Variants in STOX2 observed in about 807,000 individuals in gnomAD.
STOX2 encodes storkhead box 2.
Under a neutral mutation model 60.9 loss-of-function variants are expected in STOX2, and 28 were observed. The ratio of observed to expected loss-of-function variants is 0.46; its 90% CI spans 0.34 to 0.63. STOX2 has a LOEUF of 0.63. Among genes scored for constraint, STOX2 ranks in the 30% least tolerant of loss-of-function variants. The pLI is 0.01. For synonymous variants in STOX2, 472 were observed against 463.9 expected, an observed-to-expected ratio of 1.02 and a Z score of -0.22; for missense variants, 1,024 against 1,187.7, an observed-to-expected ratio of 0.86 and a Z score of 2.03.
intron 1 of STOX2, among the ~76,000 whole-genome samples, chr4:183,933,688 T>C (rs80318977): frequency 0.11 from 16,607 of 152,008 alleles, 3,057 homozygotes; most frequent in African/African-American, 0.38. Flanking sequence ...TGCACCTGGC[T>C]GAAACTCAGA....
intron 1 of STOX2, among the ~76,000 whole-genome samples, chr4:183,837,726 T>G (rs570047111): frequency 5.5e-4 from 84 of 152,340 alleles, no homozygotes; most frequent in African/African-American, 2.0e-3. Flanking sequence ...CCCAAAGTGC[T>G]GGGATTACAC....
intron 1 of STOX2, among the ~76,000 whole-genome samples, chr4:183,855,000 A>G (rs1740253763): frequency 1.3e-5 from 2 of 152,184 alleles, no homozygotes; most frequent in Non-Finnish European, 2.9e-5. Context: ...ATTCTTTGCA[A>G]CCCCTGAAAT....
Position 183,856,326 on chromosome 4 carries a change from C to G in STOX2, c.364+58271C>G, listed in dbSNP as rs1740285965. 6.6e-6 allele frequency among the ~76,000 whole-genome samples: 1 copy of G among 152,188 alleles called. No homozygotes were observed. The highest frequency in any genetic ancestry group is 1.5e-5 in the Non-Finnish European group (1 of 68,038). ...AATTAAAGAAATGGCATGGGCTACA[C>G]TAACAGAAGAGCACCCTTCAGGAGA... On this transcript the variant is annotated intron_variant, in intron 1 of 2. Transcript: ENST00000513034. This position sits in a 1 kb window ranked among gnomAD's most constrained non-coding sequence, Gnocchi z 4.0.
At position 183,836,085 on chromosome 4, in the gene STOX2, G is replaced by A. The variant is rs998493855; in HGVS notation, c.364+38030G>A. 2.6e-5 allele frequency among the ~76,000 whole-genome samples: 4 copies of A among 152,036 alleles called. No homozygotes were observed. The highest frequency in any genetic ancestry group is 5.9e-5 in the Non-Finnish European group (4 of 68,010). On this transcript the variant is annotated intron_variant, in intron 1 of 2. Coordinates refer to the STOX2 transcript ENST00000513034. This position sits in a 1 kb window ranked among gnomAD's most constrained non-coding sequence, Gnocchi z 4.1. ...TAGTGGGTGGAAAGTGGTATCCACT[G>A]CAGTTTTGATTTGCGATCTCCTGGT...
At chr4:183,810,302 C>T (rs140350485) in intron 1 of STOX2, among the ~76,000 whole-genome samples, 31 of 152,302 alleles carry the variant, frequency 2.0e-4, no homozygotes, top group African/African-American at 7.5e-4. Flanking sequence ...GTTGAGGATG[C>T]TTCTGCCCTA....
chr4:183,929,564 G>A (rs1579429552), intron 1 of STOX2, among the ~76,000 whole-genome samples: 1 of 152,158 alleles, frequency 6.6e-6, no homozygotes, highest in East Asian at 1.9e-4. Flanking sequence ...GAAAGTGATT[G>A]AATCTCTGGC....
chr4:183,824,009 A>G lies in STOX2; in HGVS notation c.364+25954A>G, dbSNP rs114083006. The stretch of plus-strand genomic sequence containing the variant: ...GACATGTGTAGCCATGTATCGTAAA[A>G]TCGGCTACTGAACTTTCTGTGAGAA... On this transcript the variant is annotated intron_variant, in intron 1 of 2. Coordinates refer to the STOX2 transcript ENST00000513034. 4.4e-3 allele frequency among the ~76,000 whole-genome samples: 668 copies of G among 152,322 alleles called. 6 individuals carry two copies. The highest frequency in any genetic ancestry group is 0.015 in the African/African-American group (634 of 41,554).
intron 1 of STOX2, among the ~76,000 whole-genome samples, chr4:183,827,909 G>T (rs1048059916): frequency 2.7e-5 from 4 of 150,728 alleles, no homozygotes. Flanking sequence ...AAAAAAAGAC[G>T]GCCTTTATTG....
At chr4:183,934,020 T>G (rs1345359354) in intron 1 of STOX2, among the ~76,000 whole-genome samples, 7 of 152,154 alleles carry the variant, frequency 4.6e-5, no homozygotes, top group Non-Finnish European at 1.0e-4. Context: ...GATGTAAATA[T>G]TGGCCAGGTG....
At chr4:183,862,324 T>C (rs1464896551) in intron 1 of STOX2, among the ~76,000 whole-genome samples, 1 of 152,144 alleles carries the variant, frequency 6.6e-6, no homozygotes, top group Non-Finnish European at 1.5e-5. Flanking sequence ...TACAGGCACA[T>C]GCCATCACCC....
intron 1 of STOX2, among the ~76,000 whole-genome samples, chr4:183,969,240 G>T (rs11947559): frequency 0.055 from 8,331 of 152,282 alleles, 285 homozygotes; most frequent in African/African-American, 0.099. Flanking sequence ...AAGAGCTTGT[G>T]ACGGCAGTGA....
chr4:183,811,907 T>C (rs1379042385), intron 1 of STOX2, among the ~76,000 whole-genome samples: 5 of 151,174 alleles, frequency 3.3e-5, no homozygotes, highest in African/African-American at 7.3e-5. Flanking sequence ...TCTTATAAAA[T>C]GACCTAGTGA....
At chr4:183,896,658 A>G (rs1414124468) in intron 1 of STOX2, among the ~76,000 whole-genome samples, 3 of 152,146 alleles carry the variant, frequency 2.0e-5, no homozygotes, top group Admixed American at 6.5e-5. Flanking sequence ...TCCTTTTAGT[A>G]TATTTCTTCC....
At chr4:183,820,857 C>T (rs1266364681) in intron 1 of STOX2, among the ~76,000 whole-genome samples, 4 of 152,006 alleles carry the variant, frequency 2.6e-5, no homozygotes, top group South Asian at 2.1e-4. Flanking sequence ...CTCCTATAGT[C>T]CCAGCACTGT....
chr4:184,010,446 A>G lies in STOX2; in HGVS notation c.1608A>G (p.Ala536=). 6.2e-7 allele frequency: 1 copy of G among 1,613,902 alleles called. No individual in the cohort carries two copies. Among genetic ancestry groups the G allele is most frequent in the Non-Finnish European group, 8.5e-7 (1 of 1,179,870 alleles). The change falls in exon 3 of 4, where the codon GCA becomes GCG. Residue 536 remains alanine (A), a synonymous_variant. Coordinates refer to ENST00000308497, the MANE Select transcript of STOX2 (RefSeq NM_020225.3). The surrounding 1 kb of genome is among the most constrained non-coding windows in gnomAD (Gnocchi z 4.5). ...TTGACGACAGTACTTTAAGGCCTGC[A>G]CAGACCGTTAGTCTCCAAAGGGCTC... is the stretch of plus-strand genomic sequence containing the variant. ...SYIDDSTLRP[A]QTVSLQRAHI...
chr4:183,832,500 T>A (rs1393194513), intron 1 of STOX2, among the ~76,000 whole-genome samples: 2 of 146,376 alleles, frequency 1.4e-5, no homozygotes, highest in African/African-American at 5.1e-5. Flanking sequence ...TTTTTTTTTT[T>A]TTTTTTTTGA....
At chr4:183,828,997 G>T (rs1739499508) in intron 1 of STOX2, among the ~76,000 whole-genome samples, 1 of 152,200 alleles carries the variant, frequency 6.6e-6, no homozygotes, top group African/African-American at 2.4e-5. Flanking sequence ...AAGCAGTTTG[G>T]CTTGGGTGCC....
intron 1 of STOX2, among the ~76,000 whole-genome samples, chr4:183,938,415 T>C (rs868233216): frequency 1.3e-5 from 2 of 152,144 alleles, no homozygotes; most frequent in Middle Eastern, 3.2e-3. Context: ...ACGCTTGTAA[T>C]CCCAGCACTT....
At chr4:183,813,883 A>G (rs1356734079) in intron 1 of STOX2, among the ~76,000 whole-genome samples, 1 of 152,212 alleles carries the variant, frequency 6.6e-6, no homozygotes, top group Non-Finnish European at 1.5e-5. Flanking sequence ...TATAAGTTGA[A>G]AAAACTCTTC....
Sources: allele counts gnomAD v4.1 joint callset (sites outside exome capture counted in the v4.1 genomes callset), GRCh38; gene constraint gnomAD v4.1.1; non-coding constraint Gnocchi (gnomAD v3.1); transcripts MANE v1.5; gene names NCBI Gene and HGNC (gene_info 2026-07-23, HGNC 2026-07-21).